Variants in NBEA observed in about 807,000 individuals in gnomAD.
The protein encoded by NBEA is lysosomal-trafficking regulator 2.
Under a neutral mutation model 343.4 loss-of-function variants are expected in NBEA, and 44 were observed. The observed-to-expected ratio is 0.13, with a 90% CI of 0.10 to 0.16. The LOEUF (loss-of-function observed/expected upper bound fraction) is 0.16. Among genes scored for constraint, NBEA ranks in the 10% least tolerant of loss-of-function variants. The probability of loss-of-function intolerance (pLI) is 1.00; values close to 1 mark genes in which losing one functional copy is unlikely to be tolerated. For synonymous variants in NBEA, 1,175 were observed against 1,238.7 expected, an observed-to-expected ratio of 0.95 and a Z score of 1.08; for missense variants, 2,555 against 3,631.3, an observed-to-expected ratio of 0.70 and a Z score of 7.62.
At chr13:35,470,205 A>T (rs1344530030) in intron 40 of NBEA, among the ~76,000 whole-genome samples, 1 of 152,226 alleles carries the variant, frequency 6.6e-6, no homozygotes, top group African/African-American at 2.4e-5. Context: ...AATGCCCAGA[A>T]AATCTCCTCA....
chr13:35,120,785 G>T (rs1350128322), intron 16 of NBEA, among the ~76,000 whole-genome samples: 1 of 129,316 alleles, frequency 7.7e-6, no homozygotes, highest in African/African-American at 4.0e-5. Context: ...ATATAGCTTA[G>T]ACCATTTGCT....
At chr13:35,642,619 G>A (rs1470496654) in intron 49 of NBEA, among the ~76,000 whole-genome samples, 5 of 152,206 alleles carry the variant, frequency 3.3e-5, no homozygotes, top group Non-Finnish European at 5.9e-5. Context: ...ATAGATGAGT[G>A]ACACAAGCCA....
chr13:35,452,755 T>C lies in NBEA; in HGVS notation c.6448+520T>C, dbSNP rs567706732. Among the ~76,000 whole-genome samples, 4 of 152,322 alleles carry C rather than the reference T, an allele frequency of 2.6e-5. No individual in the cohort carries two copies. In the East Asian group the frequency reaches 7.7e-4, roughly 29 times the overall value. ...ACCTCAGTTTTACCTTGTCATGATA[T>C]ATGTCTGAGATCAATTCTGGATGTG... is the stretch of plus-strand genomic sequence containing the variant. On this transcript the variant is annotated intron_variant, in intron 40 of 58. Transcript: ENST00000379939.
In NBEA at chr13:35,452,249, T is replaced by A. The variant is rs557336899; in HGVS notation, c.6448+14T>A. The stretch of plus-strand genomic sequence containing the variant: ...ACAACCTTGCAGGTAAATTTTAAAA[T>A]ATATTTTTCCTATTTGTTGTAAATA... On this transcript the variant is annotated intron_variant, in intron 40 of 58. Transcript: ENST00000379939. 1.1e-5 allele frequency: 17 copies of A among 1,540,466 alleles called. No individual in the cohort carries two copies. In the East Asian group the frequency reaches 4.2e-4, roughly 38 times the overall value.
At chr13:35,546,346 T>C (rs2079056824) in intron 41 of NBEA, among the ~76,000 whole-genome samples, 1 of 152,026 alleles carries the variant, frequency 6.6e-6, no homozygotes, top group African/African-American at 2.4e-5. Context: ...ACGCCTGTAG[T>C]TCCAGCTACT....
chr13:35,194,981 A>G (rs1469207303), intron 30 of NBEA, among the ~76,000 whole-genome samples: 2 of 152,210 alleles, frequency 1.3e-5, no homozygotes, highest in East Asian at 1.9e-4. Flanking sequence ...GAACATTATT[A>G]TATTATTAAT....
chr13:35,169,520 C>G (rs182100201), intron 25 of NBEA, among the ~76,000 whole-genome samples: 2 of 151,538 alleles, frequency 1.3e-5, no homozygotes, highest in East Asian at 1.9e-4. Context: ...ATTTATAATT[C>G]ACTCATTTTA....
At chr13:35,057,945 C>T (rs1413934452) in intron 7 of NBEA, among the ~76,000 whole-genome samples, 3 of 151,936 alleles carry the variant, frequency 2.0e-5, no homozygotes, top group East Asian at 3.9e-4. Flanking sequence ...TATTGCAGTA[C>T]GAAAAGTACT....
At chr13:35,562,497 A>T (rs2079903892) in intron 44 of NBEA, among the ~76,000 whole-genome samples, 1 of 151,960 alleles carries the variant, frequency 6.6e-6, no homozygotes, top group Non-Finnish European at 1.5e-5. Flanking sequence ...AAGGATTTTG[A>T]GTTGTTTTTC....
At chr13:35,051,037 T>C (rs1278387955) in intron 6 of NBEA, among the ~76,000 whole-genome samples, 1 of 152,022 alleles carries the variant, frequency 6.6e-6, no homozygotes, top group Non-Finnish European at 1.5e-5. Flanking sequence ...TAAGAGATAA[T>C]TCATTCATAA....
intron 10 of NBEA, among the ~76,000 whole-genome samples, chr13:35,082,748 C>T (rs1302914435): frequency 2.0e-5 from 3 of 152,144 alleles, no homozygotes; most frequent in Non-Finnish European, 4.4e-5. Context: ...ATACTTCTCC[C>T]ACTTTTTGAT....
intron 10 of NBEA, among the ~76,000 whole-genome samples, chr13:35,083,780 G>T (rs1260791158): frequency 2.6e-5 from 4 of 152,024 alleles, no homozygotes; most frequent in Admixed American, 6.6e-5. Flanking sequence ...AATGTAAATG[G>T]GGTAAATGCT....
chr13:35,670,495 T>C (rs2085564720), intron 58 of NBEA, among the ~76,000 whole-genome samples: 1 of 151,104 alleles, frequency 6.6e-6, no homozygotes, highest in Non-Finnish European at 1.5e-5. Flanking sequence ...AGAGGTGGAG[T>C]GATTCAAGGG....
At chr13:35,261,895 A>C (rs1566535449) in intron 34 of NBEA, among the ~76,000 whole-genome samples, 1 of 152,224 alleles carries the variant, frequency 6.6e-6, no homozygotes, top group Non-Finnish European at 1.5e-5. Flanking sequence ...GAGCAGGATT[A>C]ACACAAATAA....
intron 24 of NBEA, among the ~76,000 whole-genome samples, chr13:35,167,448 A>T (rs1395438101): frequency 6.6e-6 from 1 of 150,726 alleles, no homozygotes; most frequent in African/African-American, 2.5e-5. Flanking sequence ...AGAAAAAAAG[A>T]ACATATATAT....
chr13:35,329,146 A>G (rs2038773250), intron 36 of NBEA, among the ~76,000 whole-genome samples: 1 of 151,972 alleles, frequency 6.6e-6, no homozygotes. Flanking sequence ...ACAATTAGAT[A>G]ACATTACACA....
chr13:35,448,847 G>T lies in NBEA; in HGVS notation c.6305-3245G>T, dbSNP rs143785866. On this transcript the variant is annotated intron_variant, in intron 39 of 58. Coordinates refer to ENST00000379939, the MANE Select transcript of NBEA (RefSeq NM_001385012.1). Reference sequence around the variant, plus strand: ...CACCAGGCACTGAAGCTACAGAAATGGGACTGAGGACAGACACATAGTAGG... The same window carrying T: ...CACCAGGCACTGAAGCTACAGAAATTGGACTGAGGACAGACACATAGTAGG... 1.3e-3 allele frequency among the ~76,000 whole-genome samples: 197 copies of T among 152,298 alleles called. 2 individuals carry two copies. The highest frequency in any genetic ancestry group is 4.4e-3 in the African/African-American group (181 of 41,552).
At chr13:35,641,182 ATTACT>A (rs1223525459) in intron 49 of NBEA, among the ~76,000 whole-genome samples, 2 of 152,314 alleles carry the variant, frequency 1.3e-5, no homozygotes, top group East Asian at 1.9e-4. Flanking sequence ...AATGTAAATC[ATTACT>A]TTATTTACAG....
At chr13:35,331,641 C>A (rs1204278516) in intron 36 of NBEA, among the ~76,000 whole-genome samples, 1 of 151,984 alleles carries the variant, frequency 6.6e-6, no homozygotes, top group African/African-American at 2.4e-5. Context: ...AGATAACAAA[C>A]TGCATAAAGT....
Sources: gnomAD v4.1 joint callset for allele counts (sites outside exome capture counted in the v4.1 genomes callset) on GRCh38, gnomAD v4.1.1 for gene constraint, MANE v1.5 for transcripts, NCBI Gene and HGNC (gene_info 2026-07-23, HGNC 2026-07-21) for gene names.